Variants in CAPS2 observed in about 807,000 individuals in gnomAD.
CAPS2 encodes calcyphosine 2.
In CAPS2, 98 loss-of-function variants were observed where a neutral mutation model predicts 86.5. The ratio of observed to expected loss-of-function variants is 1.13; its 90% CI spans 0.96 to 1.34. The LOEUF (loss-of-function observed/expected upper bound fraction) is 1.34. CAPS2 is among the 40% of genes most tolerant of loss of function. CAPS2 has a pLI of 0.00. For synonymous variants in CAPS2, 210 were observed against 225.1 expected (o/e 0.93, Z 0.60); for missense variants, 729 against 686.8 (o/e 1.06, Z -0.69).
intron 16 of CAPS2, among the ~76,000 whole-genome samples, chr12:75,281,612 T>C (rs1183721058): frequency 6.6e-6 from 1 of 152,036 alleles, no homozygotes; most frequent in Non-Finnish European, 1.5e-5. Context: ...GTAAGTAAAA[T>C]TCATAATGTA....
At chr12:75,325,201 C>T (rs2040651922) in intron 2 of CAPS2, 38 bp downstream of exon 3, 1 of 1,522,960 alleles carries the variant, frequency 6.6e-7, no homozygotes, top group African/African-American at 1.4e-5. Context: ...TATATATGTG[C>T]CCATTAAACA....
At chr12:75,381,602 AT>A (rs2044983880) in intron 1 of CAPS2, among the ~76,000 whole-genome samples, 1 of 88,646 alleles carries the variant, frequency 1.1e-5, no homozygotes, top group Admixed American at 1.2e-4. Flanking sequence ...GCTGTTATTC[AT>A]TTTCTTAAGT....
At chr12:75,345,334 A>G (rs2042380516) in intron 1 of CAPS2, among the ~76,000 whole-genome samples, 2 of 152,010 alleles carry the variant, frequency 1.3e-5, no homozygotes, top group Non-Finnish European at 2.9e-5. Flanking sequence ...ATTACTTCCT[A>G]TAATTTTCTC....
At chr12:75,321,348 T>G (rs1393062766) in intron 5 of CAPS2, 52 bp downstream of exon 5, 2 of 1,102,496 alleles carry the variant, frequency 1.8e-6, no homozygotes, top group Non-Finnish European at 2.6e-6. Flanking sequence ...TTCTGTAATA[T>G]GTGCAGTTTT....
intron 8 of CAPS2, among the ~76,000 whole-genome samples, chr12:75,300,628 C>A (rs1317026335): frequency 6.7e-6 from 1 of 149,726 alleles, no homozygotes; most frequent in Non-Finnish European, 1.5e-5. Flanking sequence ...AGTAAGGGAC[C>A]TAGTTCTGCC....
exon 17 of CAPS2, chr12:75,278,425 G>A (rs1159228490): frequency 5.1e-6 from 5 of 984,688 alleles, no homozygotes; most frequent in Non-Finnish European, 6.0e-6. Flanking sequence ...TTATCTCACT[G>A]GCTTTGGGCC....
upstream of CAPS2, chr12:75,333,824 C>A: frequency 6.6e-6 from 1 of 151,994 alleles, no homozygotes; most frequent in East Asian, 1.9e-4. Context: ...TTATTTGAAA[C>A]ATAGAAATAC....
At chr12:75,317,822 A>G (rs1305468739) in intron 5 of CAPS2, among the ~76,000 whole-genome samples, 1 of 152,164 alleles carries the variant, frequency 6.6e-6, no homozygotes, top group African/African-American at 2.4e-5. Flanking sequence ...TTGTCTGCGT[A>G]TATGTGTGTG....
At chr12:75,365,103 C>A (rs2043877487) in intron 1 of CAPS2, 1 of 152,082 alleles carries the variant, frequency 6.6e-6, no homozygotes, top group South Asian at 2.1e-4. Context: ...CCACCTCTTG[C>A]ACAATAGTCC....
At chr12:75,356,507 A>T (rs781224835) in intron 1 of CAPS2, among the ~76,000 whole-genome samples, 8 of 152,224 alleles carry the variant, frequency 5.3e-5, no homozygotes, top group Non-Finnish European at 1.2e-4. Context: ...TGCACACTAT[A>T]AATTCTAAAG....
At chr12:75,300,607 A>G (rs2037696574) in intron 8 of CAPS2, among the ~76,000 whole-genome samples, 1 of 149,750 alleles carries the variant, frequency 6.7e-6, no homozygotes, top group Admixed American at 6.7e-5. Flanking sequence ...AGCATCTTGC[A>G]ATTAAGGATG....
At chr12:75,377,864 T>C (rs111280383) in intron 1 of CAPS2, among the ~76,000 whole-genome samples, 1 of 1,190 alleles carries the variant, frequency 8.4e-4, no homozygotes, top group African/African-American at 8.5e-3. Context: ...TATATATGCG[T>C]GTGTGTGTGT....
At chr12:75,379,565 A>C (rs1374850801) in intron 1 of CAPS2, among the ~76,000 whole-genome samples, 1 of 152,180 alleles carries the variant, frequency 6.6e-6, no homozygotes, top group African/African-American at 2.4e-5. Context: ...ATTGCTAGAC[A>C]AACTGCTCTA....
intron 14 of CAPS2, 45 bp from the exon 15 acceptor site, chr12:75,285,125 C>T (rs775218099): frequency 1.6e-5 from 26 of 1,578,446 alleles, no homozygotes; most frequent in East Asian, 6.9e-5. Flanking sequence ...AGTTACATAT[C>T]GTCACAACAA....
chr12:75,297,050 CTTTCTTTCTTTCTTTT>C (rs1465652059), intron 11 of CAPS2, among the ~76,000 whole-genome samples: 3 of 151,650 alleles, frequency 2.0e-5, no homozygotes, highest in Non-Finnish European at 4.4e-5. Flanking sequence ...TCCTTTCTCT[CTTTCTTTCTTTCTTTT>C]TTTCTTTCTT....
intron 1 of CAPS2, among the ~76,000 whole-genome samples, chr12:75,350,487 G>A (rs1370756391): frequency 6.6e-6 from 1 of 152,170 alleles, no homozygotes; most frequent in African/African-American, 2.4e-5. Flanking sequence ...AATGCCCAGT[G>A]GAAAGATCAG....
rs150024584 is a variant in CAPS2, at chr12:75,343,788, T to C, written c.-394-20566A>G. On this transcript the variant is annotated intron_variant, in intron 1 of 5. Transcript: ENST00000551829. ...GTTTGGATAAATCATATAAATGCTA[T>C]GCAGCTTTTGAATATGTTGGAGAAA... The C allele has an allele frequency of 1.6e-3, 2,648 of 1,612,954 alleles. 5 individuals carry two copies. Among genetic ancestry groups the C allele is most frequent in the Middle Eastern group, 3.1e-3 (19 of 6,056 alleles).
chr12:75,314,058 T>A (rs138241755), intron 6 of CAPS2, among the ~76,000 whole-genome samples: 1 of 152,242 alleles, frequency 6.6e-6, no homozygotes, highest in Non-Finnish European at 1.5e-5. Flanking sequence ...TAACTGGGAC[T>A]ACAGGTGTAT....
At chr12:75,309,016 G>A (rs963429509) in intron 7 of CAPS2, among the ~76,000 whole-genome samples, 19 of 151,932 alleles carry the variant, frequency 1.3e-4, no homozygotes, top group Admixed American at 7.2e-4. Context: ...AAAGAAGTAT[G>A]CTTAAAATGA....
Sources: allele counts gnomAD v4.1 joint callset (sites outside exome capture counted in the v4.1 genomes callset), GRCh38; gene constraint gnomAD v4.1.1; transcripts MANE v1.5; gene names NCBI Gene and HGNC (gene_info 2026-07-23, HGNC 2026-07-21).